The following ABCC2 variants were observed in gnomAD, a reference collection of about 807,000 sequenced individuals.
The protein encoded by ABCC2 is ATP binding cassette subfamily C member 2.
Under a neutral mutation model 173.4 loss-of-function variants are expected in ABCC2, and 157 were observed. The ratio of observed to expected loss-of-function variants is 0.91; its 90% CI spans 0.80 to 1.03. ABCC2 has a LOEUF of 1.03. ABCC2 is among the 50% of genes least tolerant of loss of function. ABCC2 has a pLI of 0.00. For synonymous variants in ABCC2, 657 were observed against 693.5 expected (o/e 0.95, Z 0.83); for missense variants, 1,822 against 1,852.3 (o/e 0.98, Z 0.30).
intron 25 of ABCC2, among the ~76,000 whole-genome samples, chr10:99,840,788 T>G (rs569342324): frequency 9.2e-5 from 14 of 152,244 alleles, no homozygotes; most frequent in Non-Finnish European, 1.9e-4. Flanking sequence ...GCGCTGGGAT[T>G]ATAGGTGTGA....
At chr10:99,820,981 ATTT>A (rs1299112261) in intron 19 of ABCC2, among the ~76,000 whole-genome samples, 1 of 152,162 alleles carries the variant, frequency 6.6e-6, no homozygotes, top group African/African-American at 2.4e-5. Flanking sequence ...TTCCCTTAGT[ATTT>A]ATTGATCATT....
chr10:99,814,631 ATGTG>A (rs1225066804), intron 16 of ABCC2, among the ~76,000 whole-genome samples: 2 of 105,094 alleles, frequency 1.9e-5, no homozygotes, highest in African/African-American at 7.7e-5. Flanking sequence ...ATACACACAT[ATGTG>A]TATATACACA....
chr10:99,836,414 G>A, intron 25 of ABCC2, 124 bp downstream of exon 25: 2 of 1,014,208 alleles, frequency 2.0e-6, no homozygotes, highest in South Asian at 2.7e-5. Flanking sequence ...ACACTGTCAT[G>A]CTATGTAAGT....
At chr10:99,807,996 A>G in intron 12 of ABCC2, 87 bp from the exon 13 acceptor site, 1 of 1,523,910 alleles carries the variant, frequency 6.6e-7, no homozygotes. Context: ...GGCGCCTTCA[A>G]CTCTGATATA....
Position 99,790,910 on chromosome 10 carries a change from G to A in ABCC2, c.208-1324G>A, listed in dbSNP as rs117384278. 1.6e-3 allele frequency among the ~76,000 whole-genome samples: 247 copies of A among 152,238 alleles called. 6 individuals carry two copies. The East Asian group carries it at 0.038, about 24-fold the overall frequency. On this transcript the variant is annotated intron_variant, in intron 2 of 31. Coordinates refer to ENST00000647814, the MANE Select transcript of ABCC2 (RefSeq NM_000392.5). Reference sequence around the variant, plus strand: ...AAATTAGACTTAAAAGAATGAATAAGGGTAGATGGATAGGGGCATAAAAGC... The same window carrying A: ...AAATTAGACTTAAAAGAATGAATAAAGGTAGATGGATAGGGGCATAAAAGC...
chr10:99,829,113 G>A (rs937427837), intron 19 of ABCC2, among the ~76,000 whole-genome samples: 1 of 152,124 alleles, frequency 6.6e-6, no homozygotes, highest in Non-Finnish European at 1.5e-5. Context: ...CTAGCTCAGT[G>A]TTAGGTCAAA....
chr10:99,849,322 T>C (rs2039058870), intron 30 of ABCC2, among the ~76,000 whole-genome samples: 4 of 152,208 alleles, frequency 2.6e-5, no homozygotes, highest in Admixed American at 2.6e-4. Flanking sequence ...TACAGCATAA[T>C]GAAGACAGAC....
At chr10:99,803,343 G>A (rs2038043719) in intron 9 of ABCC2, among the ~76,000 whole-genome samples, 1 of 152,182 alleles carries the variant, frequency 6.6e-6, no homozygotes, top group African/African-American at 2.4e-5. Flanking sequence ...TCCTTCTTGG[G>A]AATGATTGCA....
chr10:99,830,070 CA>C (rs2038711741), intron 19 of ABCC2, among the ~76,000 whole-genome samples: 1 of 152,212 alleles, frequency 6.6e-6, no homozygotes, highest in African/African-American at 2.4e-5. Flanking sequence ...CCATTTTGAC[CA>C]TTTTCTCTTC....
intron 7 of ABCC2, among the ~76,000 whole-genome samples, chr10:99,798,815 G>T (rs1229616553): frequency 6.6e-6 from 1 of 152,042 alleles, no homozygotes; most frequent in African/African-American, 2.4e-5. Flanking sequence ...GCTTTTGGGG[G>T]TGGGGATACA....
rs1319016727 is a variant in ABCC2 at position 99,814,458 on chromosome 10, CAT to C, written c.2094+1316_2094+1317del. Among the ~76,000 whole-genome samples the C allele has an allele frequency of 1.0e-4, 6 of 59,458 alleles. 2 individuals carry two copies. Among genetic ancestry groups the C allele is most frequent in the Non-Finnish European group, 1.8e-4 (6 of 33,162 alleles). The allele number at this position is 59,458 out of a possible 152,430, so 39.0% of individuals were successfully genotyped here. A position where few individuals can be genotyped will look rare whatever the true frequency, so the allele number is the denominator to read the frequency against. ...GTATACACACATATGTGTGTATATA[CAT>C]ACACACATATGTGTGTATATACATA... On this transcript the variant is annotated intron_variant, in intron 16 of 31. Transcript: ENST00000647814.
rs532834184 is a variant in ABCC2, at chr10:99,814,315, A to G, written c.2094+1171A>G. ...CACGTATGTATACACACATGTATAT[A>G]CACACGTATGTATACACACATGTAT... On this transcript the variant is annotated intron_variant, in intron 16 of 31. Transcript: ENST00000647814. Among the ~76,000 whole-genome samples the G allele has an allele frequency of 1.2e-3, 151 of 125,336 alleles. 24 individuals carry two copies. Among genetic ancestry groups the G allele is most frequent in the South Asian group, 6.6e-3 (26 of 3,962 alleles). 82.2% of individuals were successfully genotyped at this position (125,336 alleles called of 152,430 possible).
rs758408884 is a variant in ABCC2 at position 99,844,317 on chromosome 10, GC to G, written c.3844-3del. 1.1e-5 allele frequency: 17 copies of G among 1,614,012 alleles called. No individual in the cohort carries two copies. Among genetic ancestry groups the G allele is most frequent in the Non-Finnish European group, 1.4e-5 (17 of 1,180,040 alleles). The stretch of plus-strand genomic sequence containing the variant: ...AACTTACTTCTCATCTTGTCTCCTT[GC>G]CAGGCACCCTGGGTGACTGATAAGA... On this transcript the variant is annotated splice_polypyrimidine_tract_variant and splice_region_variant and intron_variant, in intron 27 of 31. Transcript: ENST00000647814.
rs866511724 is a variant in ABCC2, at chr10:99,834,462, T to C, written c.3341T>C (p.Val1114Ala). 8.1e-6 allele frequency: 13 copies of C among 1,614,006 alleles called. No homozygotes were observed. Among genetic ancestry groups the C allele is most frequent in the Non-Finnish European group, 1.1e-5 (13 of 1,179,950 alleles). Residue 1114 changes from valine to alanine, a missense_variant, in exon 24 of 32, where the codon GTC (valine) becomes GCC (alanine). Coordinates refer to ENST00000647814, the MANE Select transcript of ABCC2 (RefSeq NM_000392.5). Reference sequence around the variant, plus strand: ...TTCCTGGGGATAATCAGCACCCTTGTCATGATCTGCATGGCCACTCCTGTC... The same window carrying C: ...TTCCTGGGGATAATCAGCACCCTTGCCATGATCTGCATGGCCACTCCTGTC... Reference protein sequence around the residue: ...TCFLGIISTLVMICMATPVFT... With the variant: ...TCFLGIISTLAMICMATPVFT...
rs756660408 is a variant in ABCC2 at position 99,851,652 on chromosome 10, A to G, written c.*21A>G. 2.5e-6 allele frequency: 4 copies of G among 1,608,240 alleles called. No individual in the cohort carries two copies. The highest frequency in any genetic ancestry group is 3.4e-6 in the Non-Finnish European group (4 of 1,175,074). Reference sequence around the variant, plus strand: ...TCTAGCAGAAGGCCCCATGGGTTAGAAAAGGACTATAAGAATAATTTCTTA... The same window carrying G: ...TCTAGCAGAAGGCCCCATGGGTTAGGAAAGGACTATAAGAATAATTTCTTA... On this transcript the variant is annotated 3_prime_UTR_variant, in exon 32 of 32. Coordinates refer to ENST00000647814, the MANE Select transcript of ABCC2 (RefSeq NM_000392.5).
intron 9 of ABCC2, among the ~76,000 whole-genome samples, chr10:99,803,480 C>G (rs1441731686): frequency 1.3e-5 from 2 of 152,188 alleles, no homozygotes; most frequent in African/African-American, 2.4e-5. Flanking sequence ...CTCTCTCCTT[C>G]CATCCATCCA....
chr10:99,831,755 T>A lies in ABCC2; in HGVS notation c.3028T>A (p.Phe1010Ile). The A allele has an allele frequency of 6.2e-7, 1 of 1,614,186 alleles. No homozygotes were observed. The highest frequency in any genetic ancestry group is 1.1e-5 in the South Asian group (1 of 91,086). Residue 1010 changes from phenylalanine to isoleucine, a missense_variant, in exon 22 of 32, where the codon TTC becomes ATC. Physicochemically the swap from Phe to Ile is conservative, Grantham distance 21. Coordinates refer to ENST00000647814, the MANE Select transcript of ABCC2 (RefSeq NM_000392.5). ...LSAWTSDSKI[F>I]NSTDYPASQR... ...TGCTTGGACCAGTGACTCTAAAATC[T>A]TCAATAGCACCGACTATCCAGCATC...
At chr10:99,784,091 T>A (rs1564665617) in intron 1 of ABCC2, among the ~76,000 whole-genome samples, 1 of 149,598 alleles carries the variant, frequency 6.7e-6, no homozygotes, top group Non-Finnish European at 1.5e-5. Flanking sequence ...CCAACAATGC[T>A]GTTGTCACTG....
intron 30 of ABCC2, 44 bp downstream of exon 30, chr10:99,847,171 G>A (rs2039030690): frequency 6.2e-7 from 1 of 1,608,134 alleles, no homozygotes; most frequent in African/African-American, 1.3e-5. Flanking sequence ...ATGAGAGGAT[G>A]TGAGGGGGCC....
Sources: gnomAD v4.1 joint callset for allele counts (sites outside exome capture counted in the v4.1 genomes callset) on GRCh38, gnomAD v4.1.1 for gene constraint, MANE v1.5 for transcripts, NCBI Gene and HGNC (gene_info 2026-07-23, HGNC 2026-07-21) for gene names.